Variants in MED13L observed in about 807,000 individuals in gnomAD.
MED13L encodes the protein mediator of RNA polymerase II transcription subunit 13-like.
MED13L carries 7 observed loss-of-function variants against 220.9 expected under a neutral mutation model. The observed-to-expected ratio is 0.03, with a 90% CI of 0.02 to 0.06. The LOEUF is 0.06. MED13L is among the 10% of genes least tolerant of loss of function. MED13L has a pLI of 1.00. For synonymous variants in MED13L, 1,011 were observed against 1,015.2 expected (o/e 1.00, Z 0.08); for missense variants, 1,965 against 2,760.5 (o/e 0.71, Z 6.46).
At chr12:116,254,458 C>T (rs138008065) in intron 1 of MED13L, among the ~76,000 whole-genome samples, 3 of 151,940 alleles carry the variant, frequency 2.0e-5, no homozygotes, top group East Asian at 3.9e-4. Flanking sequence ...TCAAAAAATA[C>T]TCTCAAATGG....
intron 5 of MED13L, among the ~76,000 whole-genome samples, chr12:116,021,020 G>T (rs745317899): frequency 3.9e-5 from 6 of 151,940 alleles, no homozygotes; most frequent in Non-Finnish European, 7.4e-5. Flanking sequence ...AACTAACACA[G>T]TTAATCAAGG....
chr12:116,073,383 A>G (rs1179312825), intron 4 of MED13L, among the ~76,000 whole-genome samples: 1 of 152,180 alleles, frequency 6.6e-6, no homozygotes, highest in African/African-American at 2.4e-5. Context: ...GAAAACAAGA[A>G]TGAAACTACA....
intron 14 of MED13L, among the ~76,000 whole-genome samples, 189 bp downstream of exon 14, chr12:116,002,814 T>C (rs1878828820): frequency 6.6e-6 from 1 of 152,210 alleles, no homozygotes; most frequent in Non-Finnish European, 1.5e-5. Flanking sequence ...CAAATTAAGA[T>C]GGTTTCTGTA....
In MED13L at chr12:115,991,955, T is replaced by C. The variant is rs949240808; in HGVS notation, c.2999A>G (p.Asn1000Ser). 2 of 1,598,894 alleles carry C rather than the reference T, an allele frequency of 1.3e-6. No individual in the cohort carries two copies. The highest frequency in any genetic ancestry group is 1.7e-6 in the Non-Finnish European group (2 of 1,179,562). ...AATFIRDGYN[N>S]VPSVGSLADP... ...TGCTAGGCTCCCAACACTAGGCACG[T>C]TACTACAAAAAGAGAAGGCACCAAG... Residue 1000 changes from asparagine (N) to serine (S), a missense_variant and splice_region_variant, in exon 17 of 31, where the codon AAC (asparagine) becomes AGC (serine). This residue lies in a region of MED13L where 233 missense variants were observed against 306.2 expected (regional missense o/e 0.76). Coordinates refer to ENST00000281928, the MANE Select transcript of MED13L (RefSeq NM_015335.5). The surrounding 1 kb of genome is among the most constrained non-coding windows in gnomAD (Gnocchi z 7.7).
At chr12:116,057,843 T>A (rs762785954) in intron 4 of MED13L, among the ~76,000 whole-genome samples, 15 of 152,166 alleles carry the variant, frequency 9.9e-5, no homozygotes, top group Non-Finnish European at 1.6e-4. Context: ...GGATTATTAC[T>A]ATTTTTTTTA....
chr12:116,102,390 T>C (rs953898949), intron 3 of MED13L, among the ~76,000 whole-genome samples: 2 of 152,200 alleles, frequency 1.3e-5, no homozygotes, highest in African/African-American at 2.4e-5. Context: ...TTCTGTGCCC[T>C]TCAAATTATT....
At chr12:116,204,916 G>A (rs1437633140) in intron 2 of MED13L, among the ~76,000 whole-genome samples, 2 of 152,076 alleles carry the variant, frequency 1.3e-5, no homozygotes, top group Admixed American at 6.6e-5. Flanking sequence ...GAATAATATC[G>A]CTGCCAAGAA....
intron 1 of MED13L, among the ~76,000 whole-genome samples, chr12:116,274,251 T>C (rs576825330): frequency 6.6e-6 from 1 of 152,246 alleles, no homozygotes; most frequent in South Asian, 2.1e-4. Context: ...AATCTTAAAG[T>C]GTCTGATTGA....
intron 2 of MED13L, among the ~76,000 whole-genome samples, chr12:116,146,240 A>G (rs1421487940): frequency 1.3e-5 from 2 of 152,078 alleles, no homozygotes; most frequent in South Asian, 2.1e-4. Flanking sequence ...CTCCTGCCTC[A>G]GCCTCCCAAG....
At chr12:116,077,148 A>C (rs76595203) in intron 4 of MED13L, among the ~76,000 whole-genome samples, 2 of 152,212 alleles carry the variant, frequency 1.3e-5, no homozygotes, top group African/African-American at 4.8e-5. Flanking sequence ...ACTAGAGCCC[A>C]TATCAGTATC....
chr12:116,124,140 G>GAC (rs1423784385), intron 2 of MED13L, among the ~76,000 whole-genome samples: 65 of 148,970 alleles, frequency 4.4e-4, no homozygotes, highest in Non-Finnish European at 6.4e-4. Flanking sequence ...GAGAGAGAGA[G>GAC]AGAGAGAGAG....
intron 26 of MED13L, among the ~76,000 whole-genome samples, chr12:115,971,210 C>G (rs1201559517): frequency 6.6e-6 from 1 of 152,166 alleles, no homozygotes; most frequent in African/African-American, 2.4e-5. Flanking sequence ...ACTCTTCATT[C>G]AAGTCATCGC....
chr12:115,965,691 A>C (rs1876104079), intron 29 of MED13L, among the ~76,000 whole-genome samples: 3 of 152,198 alleles, frequency 2.0e-5, no homozygotes, highest in Non-Finnish European at 4.4e-5. Flanking sequence ...TCTAATGAAG[A>C]ATGTGAAGAG....
At chr12:115,999,885 A>C (rs544678526) in intron 14 of MED13L, among the ~76,000 whole-genome samples, 1 of 152,322 alleles carries the variant, frequency 6.6e-6, no homozygotes, top group South Asian at 2.1e-4. Flanking sequence ...ATGAAATTCT[A>C]CCTCCAAGAG....
intron 2 of MED13L, among the ~76,000 whole-genome samples, chr12:116,135,360 C>A (rs2138022281): frequency 6.6e-6 from 1 of 152,294 alleles, no homozygotes; most frequent in East Asian, 1.9e-4. Context: ...TGTAGGGACT[C>A]CAGTCAACAA....
At chr12:116,270,493 A>T (rs868676371) in intron 1 of MED13L, among the ~76,000 whole-genome samples, 1 of 152,146 alleles carries the variant, frequency 6.6e-6, no homozygotes, top group African/African-American at 2.4e-5. Context: ...AGGAACACGA[A>T]TTTTAAACTA....
At chr12:116,144,340 C>A (rs551884882) in intron 2 of MED13L, among the ~76,000 whole-genome samples, 1 of 152,266 alleles carries the variant, frequency 6.6e-6, no homozygotes, top group African/African-American at 2.4e-5. Flanking sequence ...CTTCACTGTC[C>A]CAAAGGGCCC....
chr12:116,064,659 G>A (rs1869775096), intron 4 of MED13L, among the ~76,000 whole-genome samples: 1 of 152,208 alleles, frequency 6.6e-6, no homozygotes, highest in South Asian at 2.1e-4. Context: ...CTACTTTGGT[G>A]AAGGCAAACA....
chr12:115,968,976 A>T lies in MED13L; in HGVS notation c.6189T>A (p.Ser2063=). The part of the protein sequence containing the change: ...SSPVPSPGSP[S]GIGVGSHFQH... ...GGAAGTGAGAGCCCACACCAATTCC[A>T]GAAGGAGAGCCTGGGGAGGGTACTG... is the stretch of plus-strand genomic sequence containing the variant. Residue 2063 remains serine, a synonymous_variant, in exon 28 of 31, where the codon TCT becomes TCA. Transcript: ENST00000281928. 1.2e-6 allele frequency: 2 copies of T among 1,614,088 alleles called. No individual in the cohort carries two copies. The highest frequency in any genetic ancestry group is 8.5e-7 in the Non-Finnish European group (1 of 1,179,970).
Sources: allele counts gnomAD v4.1 joint callset (sites outside exome capture counted in the v4.1 genomes callset), GRCh38; gene constraint gnomAD v4.1.1; regional missense constraint gnomAD v4.1.1; non-coding constraint Gnocchi (gnomAD v3.1); transcripts MANE v1.5; gene names NCBI Gene and HGNC (gene_info 2026-07-23, HGNC 2026-07-21).